The following ST7 variants were observed in gnomAD, a reference collection of about 807,000 sequenced individuals.
The protein encoded by ST7 is suppressor of tumorigenicity 7 protein.
A neutral mutation model predicts 78.7 loss-of-function variants in ST7; 28 were observed. The observed-to-expected ratio is 0.36, with a 90% CI of 0.26 to 0.49. The LOEUF (loss-of-function observed/expected upper bound fraction) is 0.49. Among genes scored for constraint, ST7 ranks in the 20% least tolerant of loss-of-function variants. The pLI is 0.99. For synonymous variants in ST7, 247 were observed against 249.6 expected (o/e 0.99, Z 0.10); for missense variants, 418 against 696.0 (o/e 0.60, Z 4.49).
rs182162616 is a variant in ST7, at chr7:117,027,949, G to A, written c.152-71813G>A. On this transcript the variant is annotated intron_variant, in intron 1 of 15. Transcript: ENST00000323984. ...AAGGTAATATCATTGAAAATATGAT[G>A]TGTGGGCTTGTAGGGTGTTAATATT... Among the ~76,000 whole-genome samples the A allele has an allele frequency of 1.6e-4, 25 of 152,264 alleles. No individual in the cohort carries two copies. In the East Asian group the frequency reaches 4.6e-3, roughly 28 times the overall value.
At chr7:116,998,089 G>A (rs965774736) in intron 1 of ST7, among the ~76,000 whole-genome samples, 1 of 152,238 alleles carries the variant, frequency 6.6e-6, no homozygotes. Context: ...GGAGCCCATG[G>A]AGGCAGGGGG....
chr7:117,210,920 G>A (rs1462847525), intron 13 of ST7, among the ~76,000 whole-genome samples: 2 of 152,146 alleles, frequency 1.3e-5, no homozygotes, highest in African/African-American at 4.8e-5. Flanking sequence ...TCTGACAGTT[G>A]TTTCCTAGCT....
rs189184327 is a variant in ST7 at position 116,999,967 on chromosome 7, C to T, written c.151+46276C>T. Among the ~76,000 whole-genome samples the T allele has an allele frequency of 8.5e-3, 1,290 of 151,922 alleles. 8 individuals are homozygous for T. The highest frequency in any genetic ancestry group is 0.012 in the Non-Finnish European group (844 of 67,932). On this transcript the variant is annotated intron_variant, in intron 1 of 15. Transcript: ENST00000323984. ...CTGGGACTACAGGTGCCTGCCACCA[C>T]GCCCAGCTAATTTTTTGTATTTTTT...
intron 1 of ST7, among the ~76,000 whole-genome samples, chr7:116,963,599 C>T (rs1792941894): frequency 6.6e-6 from 1 of 151,122 alleles, no homozygotes; most frequent in African/African-American, 2.4e-5. Context: ...CACTTATACT[C>T]TGTGGAGAAC....
intron 15 of ST7, among the ~76,000 whole-genome samples, chr7:117,224,264 T>G (rs1793300022): frequency 6.6e-6 from 1 of 152,200 alleles, no homozygotes. Context: ...GACAGCTCAC[T>G]CATTCATGGC....
At position 117,186,481 on chromosome 7, in the gene ST7, A is replaced by G. The variant is rs1584543409; in HGVS notation, c.1079-2840A>G. Among the ~76,000 whole-genome samples, 4 of 152,194 alleles carry G rather than the reference A, an allele frequency of 2.6e-5. 1 individual carries two copies. The highest frequency in any genetic ancestry group is 2.6e-4 in the Admixed American group (4 of 15,276). On this transcript the variant is annotated intron_variant, in intron 10 of 15. Coordinates refer to ENST00000323984, the MANE Select transcript of ST7 (RefSeq NM_001369598.1). ...GGGTTGGATGGAGCAGGGCAGTAAC[A>G]AGATCTCATCACACTACTCAGAATG...
chr7:117,220,075 A>T (rs182029336), intron 14 of ST7, among the ~76,000 whole-genome samples: 5 of 152,196 alleles, frequency 3.3e-5, no homozygotes, highest in African/African-American at 1.2e-4. Flanking sequence ...TTATATCAAT[A>T]TCTTATAGCT....
intron 1 of ST7, among the ~76,000 whole-genome samples, chr7:117,055,817 G>C (rs1023346719): frequency 3.3e-5 from 5 of 152,142 alleles, no homozygotes; most frequent in Admixed American, 3.3e-4. Context: ...GGGTTCCCTA[G>C]AGGGACAGAA....
chr7:117,013,382 A>G (rs1044508529), intron 1 of ST7, among the ~76,000 whole-genome samples: 13 of 152,216 alleles, frequency 8.5e-5, no homozygotes, highest in African/African-American at 3.1e-4. Context: ...AATAAATGAG[A>G]TAGGCTCACT....
In ST7 at chr7:117,177,248, C is replaced by A. The variant is rs909773433; in HGVS notation, c.1078+6272C>A. On this transcript the variant is annotated intron_variant, in intron 10 of 15. Transcript: ENST00000323984. Reference sequence around the variant, plus strand: ...GGGATGAACTATATATTGCATTGAGCAAAAGTTCTGATAATAGATGTCATT... The same window carrying A: ...GGGATGAACTATATATTGCATTGAGAAAAAGTTCTGATAATAGATGTCATT... 3.3e-5 allele frequency among the ~76,000 whole-genome samples: 5 copies of A among 152,138 alleles called. No homozygotes were observed. The East Asian group carries it at 9.6e-4, about 29-fold the overall frequency.
chr7:117,111,804 G>C (rs1802451652), intron 2 of ST7, among the ~76,000 whole-genome samples: 1 of 152,134 alleles, frequency 6.6e-6, no homozygotes, highest in African/African-American at 2.4e-5. Flanking sequence ...CCCAGCCTCT[G>C]CAGGGAGTGT....
intron 1 of ST7, among the ~76,000 whole-genome samples, chr7:116,982,175 T>TCTGCTG (rs925206346): frequency 6.6e-6 from 1 of 152,122 alleles, no homozygotes; most frequent in Non-Finnish European, 1.5e-5. Flanking sequence ...TTCATTTACT[T>TCTGCTG]CTGCTGCTGC....
intron 1 of ST7, among the ~76,000 whole-genome samples, chr7:117,099,225 A>C (rs1240823449): frequency 1.3e-5 from 2 of 152,018 alleles, no homozygotes; most frequent in Admixed American, 1.3e-4. Flanking sequence ...ACTGGCCAAA[A>C]CCACAATTAC....
intron 1 of ST7, among the ~76,000 whole-genome samples, chr7:117,027,670 C>T (rs574705421): frequency 2.8e-4 from 43 of 152,118 alleles, no homozygotes; most frequent in Non-Finnish European, 5.6e-4. Flanking sequence ...ATTGTTTGAG[C>T]CCAGGAGTTG....
chr7:117,071,588 C>G (rs1297288643), intron 1 of ST7, among the ~76,000 whole-genome samples: 2 of 152,170 alleles, frequency 1.3e-5, no homozygotes, highest in Non-Finnish European at 2.9e-5. Context: ...TCAGGCCTTC[C>G]GAACCTTTTC....
chr7:117,228,644 A>G (rs1793595155), intron 15 of ST7, among the ~76,000 whole-genome samples: 1 of 152,186 alleles, frequency 6.6e-6, no homozygotes, highest in African/African-American at 2.4e-5. Flanking sequence ...CCTCTTCTCG[A>G]AGACCCACAG....
At chr7:116,981,690 C>T (rs1185415792) in intron 1 of ST7, among the ~76,000 whole-genome samples, 2 of 152,052 alleles carry the variant, frequency 1.3e-5, no homozygotes, top group African/African-American at 4.8e-5. Flanking sequence ...AATGACAATC[C>T]CTCCTTTCTG....
chr7:117,009,425 G>C (rs1461705124), intron 1 of ST7, among the ~76,000 whole-genome samples: 2 of 152,042 alleles, frequency 1.3e-5, no homozygotes, highest in Non-Finnish European at 2.9e-5. Flanking sequence ...CTTTTCTACA[G>C]AGGGATATGT....
intron 9 of ST7, among the ~76,000 whole-genome samples, chr7:117,158,796 A>G (rs912247001): frequency 1.3e-5 from 2 of 152,184 alleles, no homozygotes; most frequent in African/African-American, 4.8e-5. Flanking sequence ...ATTACTGGCA[A>G]AATAATAACC....
Sources: gnomAD v4.1 joint callset for allele counts (sites outside exome capture counted in the v4.1 genomes callset) on GRCh38, gnomAD v4.1.1 for gene constraint, MANE v1.5 for transcripts, NCBI Gene and HGNC (gene_info 2026-07-23, HGNC 2026-07-21) for gene names.